The following TENM2 variants were observed in gnomAD, a reference collection of about 807,000 sequenced individuals.
TENM2 encodes teneurin transmembrane protein 2, also known as teneurin-2.
Under a neutral mutation model 245.2 loss-of-function variants are expected in TENM2, and 52 were observed. That is an observed-to-expected ratio of 0.21 (90% CI 0.17 to 0.27). The LOEUF (loss-of-function observed/expected upper bound fraction) is 0.27, where lower values mean the gene tolerates loss of function less well. Ranked by LOEUF, TENM2 falls within the 10% of genes least tolerant of loss-of-function variation. The pLI, the probability that TENM2 is intolerant of heterozygous loss-of-function variation, is 1.00. For missense variants in TENM2, 3,046 were observed against 3,666.8 expected (o/e 0.83, Z 4.37); for synonymous variants, 1,363 against 1,438.9 (o/e 0.95, Z 1.19).
At chr5:167,457,436 G>T (rs1765993823) in intron 2 of TENM2, among the ~76,000 whole-genome samples, 1 of 151,932 alleles carries the variant, frequency 6.6e-6, no homozygotes, top group South Asian at 2.1e-4. Flanking sequence ...GGGTTCAAGC[G>T]ATTCTCCTGC....
At chr5:167,334,967 C>T (rs1757670670) in intron 1 of TENM2, among the ~76,000 whole-genome samples, 1 of 152,162 alleles carries the variant, frequency 6.6e-6, no homozygotes, top group Non-Finnish European at 1.5e-5. Context: ...ATCAGAACCT[C>T]TCAGGTTATC....
intron 12 of TENM2, among the ~76,000 whole-genome samples, chr5:168,131,679 C>G (rs1754593613): frequency 6.6e-6 from 1 of 152,220 alleles, no homozygotes; most frequent in Non-Finnish European, 1.5e-5. Flanking sequence ...CAACTTCAGA[C>G]TGAGGACAGC....
intron 2 of TENM2, among the ~76,000 whole-genome samples, chr5:167,507,264 T>C (rs1769619009): frequency 6.6e-6 from 1 of 152,238 alleles, no homozygotes; most frequent in African/African-American, 2.4e-5. Context: ...TTTAGTTATT[T>C]AACTTTTTAG....
the TENM2 span, among the ~76,000 whole-genome samples, chr5:167,144,410 G>A: frequency 3.9e-5 from 6 of 152,294 alleles, no homozygotes; most frequent in South Asian, 2.1e-4. Flanking sequence ...CCGGTGCTTT[G>A]TTCTGGCCCC....
At chr5:167,786,910 G>A (rs961272945) in intron 2 of TENM2, among the ~76,000 whole-genome samples, 2 of 152,176 alleles carry the variant, frequency 1.3e-5, no homozygotes, top group African/African-American at 4.8e-5. Flanking sequence ...ACCCGTTATA[G>A]AATTCTAGGT....
At chr5:167,060,773 TA>T in the TENM2 span, among the ~76,000 whole-genome samples, 2 of 152,188 alleles carry the variant, frequency 1.3e-5, no homozygotes, top group Non-Finnish European at 2.9e-5. Flanking sequence ...TAAGATATTT[TA>T]TATGCTTGTT....
intron 4 of TENM2, among the ~76,000 whole-genome samples, chr5:167,984,141 A>G (rs1462862074): frequency 7.2e-5 from 11 of 152,162 alleles, no homozygotes; most frequent in African/African-American, 2.7e-4. Flanking sequence ...ATAAATATAG[A>G]AGCCAGGATG....
At chr5:167,952,670 G>A (rs140108111) in exon 4 of TENM2, 18 of 1,611,872 alleles carry the variant, frequency 1.1e-5, no homozygotes, top group South Asian at 1.1e-5. Flanking sequence ...ATCACCACTC[G>A]TCCGCCAACT....
the TENM2 span, among the ~76,000 whole-genome samples, chr5:167,102,627 G>GT: frequency 1.3e-5 from 2 of 152,112 alleles, no homozygotes; most frequent in Non-Finnish European, 2.9e-5. Flanking sequence ...GGGGAGGGTG[G>GT]TTTTAGACTT....
intron 2 of TENM2, among the ~76,000 whole-genome samples, chr5:167,603,715 C>T (rs1431823768): frequency 6.6e-6 from 1 of 152,090 alleles, no homozygotes; most frequent in Non-Finnish European, 1.5e-5. Flanking sequence ...TCTTTAAGAT[C>T]ATAGAATCAG....
At chr5:167,013,339 A>G in the TENM2 span, among the ~76,000 whole-genome samples, 1 of 152,162 alleles carries the variant, frequency 6.6e-6, no homozygotes, top group Admixed American at 6.5e-5. Context: ...ACCCCATGTC[A>G]AAAGATTAAA....
intron 3 of TENM2, among the ~76,000 whole-genome samples, chr5:167,921,775 T>G (rs1277278340): frequency 6.6e-6 from 1 of 152,222 alleles, no homozygotes; most frequent in African/African-American, 2.4e-5. Flanking sequence ...TTAATGTTTA[T>G]TAAGCACTTA....
At chr5:167,498,756 A>G (rs896852679) in intron 2 of TENM2, among the ~76,000 whole-genome samples, 1 of 152,120 alleles carries the variant, frequency 6.6e-6, no homozygotes, top group Non-Finnish European at 1.5e-5. Flanking sequence ...TACACTTTTC[A>G]TGCTTATTTT....
chr5:168,254,382 T>G (rs1562342483), intron 27 of TENM2, among the ~76,000 whole-genome samples: 1 of 150,922 alleles, frequency 6.6e-6, no homozygotes, highest in African/African-American at 2.4e-5. Flanking sequence ...TCCAAAGGGA[T>G]TGAGGCTCAG....
the TENM2 span, among the ~76,000 whole-genome samples, chr5:167,279,227 G>C: frequency 6.6e-5 from 10 of 152,028 alleles, no homozygotes; most frequent in African/African-American, 2.4e-4. Context: ...TTAGTTTTCA[G>C]AAGTTTGACT....
the TENM2 span, among the ~76,000 whole-genome samples, chr5:167,146,734 T>C: frequency 6.6e-6 from 1 of 152,260 alleles, no homozygotes; most frequent in African/African-American, 2.4e-5. Flanking sequence ...CACTAGCCCT[T>C]ATGTCACACT....
chr5:167,204,140 T>A, the TENM2 span, among the ~76,000 whole-genome samples: 1 of 148,482 alleles, frequency 6.7e-6, no homozygotes, highest in African/African-American at 2.4e-5. Flanking sequence ...CTGTTAGAGA[T>A]TATTACAAGG....
chr5:167,755,822 G>A (rs2079043615), intron 2 of TENM2, among the ~76,000 whole-genome samples: 1 of 152,176 alleles, frequency 6.6e-6, no homozygotes, highest in African/African-American at 2.4e-5. Flanking sequence ...AACTCCTGGT[G>A]TCTTCTGCTG....
chr5:167,278,981 T>C, the TENM2 span, among the ~76,000 whole-genome samples: 30 of 152,340 alleles, frequency 2.0e-4, no homozygotes, highest in African/African-American at 7.2e-4. Context: ...TGACCAAGTC[T>C]CTTAATTGTC....
Sources: gnomAD v4.1 joint callset for allele counts (sites outside exome capture counted in the v4.1 genomes callset) on GRCh38, gnomAD v4.1.1 for gene constraint, MANE v1.5 for transcripts, NCBI Gene and HGNC (gene_info 2026-07-23, HGNC 2026-07-21) for gene names.